BCAS1: variants seen among roughly 807,000 people sequenced by gnomAD.
The protein encoded by BCAS1 is brain enriched myelin associated protein 1.
Under a neutral mutation model 65.4 loss-of-function variants are expected in BCAS1, and 46 were observed. The ratio of observed to expected loss-of-function variants is 0.70; its 90% confidence interval spans 0.55 to 0.90. BCAS1 has a LOEUF of 0.90. Ranked by LOEUF, BCAS1 falls within the 40% of genes least tolerant of loss-of-function variation. BCAS1 has a pLI of 0.00. For missense variants in BCAS1, 793 were observed against 771.2 expected, an observed-to-expected ratio of 1.03 and a Z score of -0.33; for synonymous variants, 298 against 293.5, an observed-to-expected ratio of 1.02 and a Z score of -0.16.
intron 5 of BCAS1, among the ~76,000 whole-genome samples, chr20:53,995,484 T>C (rs1018041925): frequency 3.9e-5 from 5 of 127,732 alleles, no homozygotes; most frequent in African/African-American, 1.3e-4. Flanking sequence ...CATTCATTCA[T>C]TCAGGTTTTT....
chr20:53,974,079 GCT>G (rs1198523581), intron 9 of BCAS1, among the ~76,000 whole-genome samples: 11 of 152,000 alleles, frequency 7.2e-5, no homozygotes, highest in Admixed American at 3.9e-4. Flanking sequence ...ACCAATCAGT[GCT>G]CTGTGTCTAG....
intron 3 of BCAS1, among the ~76,000 whole-genome samples, chr20:54,035,400 CA>C (rs1288429763): frequency 0.29 from 17,873 of 61,622 alleles, 1,052 homozygotes; most frequent in East Asian, 0.41. Context: ...GACTCCGTCT[CA>C]AAAAAAAAAA....
intron 4 of BCAS1, among the ~76,000 whole-genome samples, chr20:54,022,840 C>T (rs989602800): frequency 2.6e-5 from 4 of 152,198 alleles, no homozygotes; most frequent in Non-Finnish European, 5.9e-5. Flanking sequence ...TGGACTCATA[C>T]CTAGGTCACC....
chr20:53,986,990 T>C lies in BCAS1; in HGVS notation c.1063-1491A>G, dbSNP rs538483704. Among the ~76,000 whole-genome samples the C allele has an allele frequency of 9.8e-5, 15 of 152,308 alleles. No individual in the cohort carries two copies. In the South Asian group the frequency reaches 2.9e-3, roughly 29 times the overall value. On this transcript the variant is annotated intron_variant, in intron 7 of 12. Transcript: ENST00000688948. ...ATCTGATCCAATGCATGAATTTTCATGGATGGGGAAACTGAGGCCAATGAT... is the reference window on the plus strand; with the variant it reads ...ATCTGATCCAATGCATGAATTTTCACGGATGGGGAAACTGAGGCCAATGAT...
chr20:54,006,933 T>C (rs1386094223), intron 4 of BCAS1, among the ~76,000 whole-genome samples: 1 of 152,082 alleles, frequency 6.6e-6, no homozygotes, highest in Non-Finnish European at 1.5e-5. Flanking sequence ...GATAAACTAA[T>C]ACATCTCACA....
intron 3 of BCAS1, among the ~76,000 whole-genome samples, chr20:54,041,685 C>T (rs930144250): frequency 6.6e-6 from 1 of 151,862 alleles, no homozygotes; most frequent in Non-Finnish European, 1.5e-5. Context: ...AGTTCAAGAC[C>T]AGCCTGGCCA....
rs894351734 is a variant in BCAS1, at chr20:53,996,197, TAA to T, written c.724-149_724-148del. 1.6e-5 allele frequency: 12 copies of T among 740,062 alleles called. No homozygotes were observed. The Admixed American group carries it at 3.7e-4, about 23-fold the overall frequency. 45.8% of individuals were successfully genotyped at this position (740,062 alleles called of 1,614,324 possible). A position where few individuals can be genotyped will look rare whatever the true frequency, so the allele number is the denominator to read the frequency against. On this transcript the variant is annotated intron_variant, in intron 4 of 12. Transcript: ENST00000688948. The stretch of plus-strand genomic sequence containing the variant: ...GGCGTGCAGAACAATCATGAGATTA[TAA>T]GAGTCACTCTTCCTTCCCTCCCCCT...
Position 53,975,522 on chromosome 20 carries a change from T to C in BCAS1, c.1276-92A>G, listed in dbSNP as rs558348103. 183 of 965,318 alleles carry C rather than the reference T, an allele frequency of 1.9e-4. No homozygotes were observed. The African/African-American group carries it at 2.9e-3, about 15-fold the overall frequency. 59.8% of individuals were successfully genotyped at this position (965,318 alleles called of 1,614,324 possible). A position where few individuals can be genotyped will look rare whatever the true frequency, so the allele number is the denominator to read the frequency against. ...CAAAGGGTTAGTTGGGCTCACAGTCTTGGGGTGCGTTCGGGGACACTGAAT... is the reference window on the plus strand; with the variant it reads ...CAAAGGGTTAGTTGGGCTCACAGTCCTGGGGTGCGTTCGGGGACACTGAAT... On this transcript the variant is annotated intron_variant, in intron 8 of 12. Transcript: ENST00000688948.
rs566953014 is a variant in BCAS1 at position 54,005,102 on chromosome 20, T to C, written c.724-9052A>G. Among the ~76,000 whole-genome samples the C allele has an allele frequency of 1.3e-3, 193 of 152,278 alleles. 2 individuals carry two copies. Among genetic ancestry groups the C allele is most frequent in the African/African-American group, 4.6e-3 (191 of 41,552 alleles). ...ATGAATCTGACACTGTCTTCTCTCC[T>C]AGATGCTTGGAGCCTTATGGTGGAT... On this transcript the variant is annotated intron_variant, in intron 4 of 12. Coordinates refer to ENST00000688948, the MANE Select transcript of BCAS1 (RefSeq NM_001366298.2).
chr20:53,944,988 C>A lies in BCAS1; in HGVS notation c.1824G>T (p.Lys608Asn). The change falls in exon 13 of 13, where the codon AAG becomes AAT. Residue 608 changes from lysine to asparagine, a missense_variant. Transcript: ENST00000688948. ...TTTGCACTTGAGCATCCAACATCCGCTTTGGTCCCTGGAGAAAAACAGAAA... is the reference window on the plus strand; with the variant it reads ...TTTGCACTTGAGCATCCAACATCCGATTTGGTCCCTGGAGAAAAACAGAAA... ...LGGFFKGLGPKRMLDAQVQTD... is the reference protein window; with the variant it reads ...LGGFFKGLGPNRMLDAQVQTD... 6.2e-7 allele frequency: 1 copy of A among 1,614,084 alleles called. No homozygotes were observed. Among genetic ancestry groups the A allele is most frequent in the South Asian group, 1.1e-5 (1 of 91,066 alleles).
At chr20:54,061,960 A>G (rs1218441735) in intron 1 of BCAS1, among the ~76,000 whole-genome samples, 1 of 152,228 alleles carries the variant, frequency 6.6e-6, no homozygotes, top group Non-Finnish European at 1.5e-5. Context: ...AAATTTATAA[A>G]TGGTTGGAAA....
At chr20:54,017,806 C>G (rs1380772026) in intron 4 of BCAS1, among the ~76,000 whole-genome samples, 3 of 152,136 alleles carry the variant, frequency 2.0e-5, no homozygotes, top group African/African-American at 7.2e-5. Flanking sequence ...TTCTTCTGTT[C>G]CATGATTAGT....
chr20:54,000,383 T>C (rs763413295), intron 4 of BCAS1, among the ~76,000 whole-genome samples: 3 of 152,180 alleles, frequency 2.0e-5, no homozygotes, highest in Non-Finnish European at 4.4e-5. Context: ...TTCCTCTCCC[T>C]TCACTGGAAT....
intron 7 of BCAS1, among the ~76,000 whole-genome samples, chr20:53,986,016 A>T (rs1340958784): frequency 6.6e-6 from 1 of 152,258 alleles, no homozygotes; most frequent in Non-Finnish European, 1.5e-5. Context: ...TGACTGAGTT[A>T]GACTATAAAG....
At position 53,957,513 on chromosome 20, in the gene BCAS1, G is replaced by T; in HGVS notation, c.1486-16C>A. 1 of 1,611,090 alleles carries T rather than the reference G, an allele frequency of 6.2e-7. No individual in the cohort carries two copies. The highest frequency in any genetic ancestry group is 2.2e-5 in the East Asian group (1 of 44,876). On this transcript the variant is annotated splice_polypyrimidine_tract_variant and intron_variant, in intron 10 of 12. Transcript: ENST00000688948. ...CTTTCACTGACTAAAATAACAAACA[G>T]ACAATGGCCTTCAGCCACAAGTACA...
At chr20:53,989,322 C>A (rs755470744) in intron 7 of BCAS1, among the ~76,000 whole-genome samples, 2 of 152,014 alleles carry the variant, frequency 1.3e-5, no homozygotes, top group African/African-American at 4.8e-5. Context: ...AAGGGCATGA[C>A]CCTACTACAG....
chr20:53,967,066 C>A lies in BCAS1; in HGVS notation c.1325G>T (p.Cys442Phe). The A allele has an allele frequency of 6.2e-7, 1 of 1,604,542 alleles. No homozygotes were observed. Among genetic ancestry groups the A allele is most frequent in the Non-Finnish European group, 8.5e-7 (1 of 1,176,904 alleles). ...VPTGAEENVV[C>F]ESPVEIIKSK... ...CTTTATAATCTCTACTGGTGACTCA[C>A]ACACCACCTGGATTATTTTGCCAGG... The change falls in exon 10 of 13, where the codon TGT (cysteine) becomes TTT (phenylalanine). Residue 442 changes from cysteine to phenylalanine, a missense_variant. Coordinates refer to ENST00000688948, the MANE Select transcript of BCAS1 (RefSeq NM_001366298.2).
At chr20:54,051,840 G>GAGATTCTC (rs2092219977) in intron 3 of BCAS1, among the ~76,000 whole-genome samples, 1 of 151,938 alleles carries the variant, frequency 6.6e-6, no homozygotes, top group Non-Finnish European at 1.5e-5. Context: ...CTGGGTTCAA[G>GAGATTCTC]AGATTCTCCT....
At chr20:53,985,641 T>A (rs946940484) in intron 7 of BCAS1, 142 bp from the exon 8 acceptor site, 26 of 730,646 alleles carry the variant, frequency 3.6e-5, no homozygotes, top group Non-Finnish European at 5.1e-5. Context: ...ATTTTAAAAA[T>A]TTTTACTGTG....
Sources: allele counts gnomAD v4.1 joint callset (sites outside exome capture counted in the v4.1 genomes callset), GRCh38; gene constraint gnomAD v4.1.1; transcripts MANE v1.5; gene names NCBI Gene and HGNC (gene_info 2026-07-23, HGNC 2026-07-21).